Variants in SOX5 observed in about 807,000 individuals in gnomAD.
SOX5 encodes the protein SRY-box transcription factor 5.
Under a neutral mutation model 92.0 loss-of-function variants are expected in SOX5, and 9 were observed. That is an observed-to-expected ratio of 0.10 (90% confidence interval 0.06 to 0.17). The LOEUF (loss-of-function observed/expected upper bound fraction) is 0.17, where lower values mean the gene tolerates loss of function less well. Among genes scored for constraint, SOX5 ranks in the 10% least tolerant of loss-of-function variants. The pLI, the probability that SOX5 is intolerant of heterozygous loss-of-function variation, is 1.00. For missense variants in SOX5, 642 were observed against 944.5 expected, an observed-to-expected ratio of 0.68 and a Z score of 4.20; for synonymous variants, 344 against 336.3, an observed-to-expected ratio of 1.02 and a Z score of -0.25.
intron 6 of SOX5, among the ~76,000 whole-genome samples, chr12:23,686,706 C>A (rs189242470): frequency 2.6e-5 from 4 of 152,018 alleles, no homozygotes; most frequent in Admixed American, 6.6e-5. Context: ...AGGGCCATAG[C>A]AAAAAAGGAA....
At chr12:23,981,983 T>C (rs1009884775) in intron 4 of SOX5, among the ~76,000 whole-genome samples, 1 of 152,140 alleles carries the variant, frequency 6.6e-6, no homozygotes, top group South Asian at 2.1e-4. Context: ...AGGCTTCTAG[T>C]GGGTAACCTA....
At chr12:23,999,852 C>T (rs1433398957) in intron 4 of SOX5, among the ~76,000 whole-genome samples, 1 of 151,836 alleles carries the variant, frequency 6.6e-6, no homozygotes, top group African/African-American at 2.4e-5. Flanking sequence ...TGTTATATTG[C>T]TATACCTTCC....
At chr12:24,417,269 T>TTGG (rs1437399437) in intron 1 of SOX5, among the ~76,000 whole-genome samples, 1 of 152,232 alleles carries the variant, frequency 6.6e-6, no homozygotes, top group Admixed American at 6.5e-5. Context: ...AGTCCATTTC[T>TTGG]TGGTTCTCCT....
chr12:24,370,998 G>A (rs1956681601), intron 1 of SOX5, among the ~76,000 whole-genome samples: 1 of 152,106 alleles, frequency 6.6e-6, no homozygotes, highest in African/African-American at 2.4e-5. Context: ...TAATGCCCAG[G>A]AATGTGAATA....
At chr12:23,848,552 C>T (rs1177669485) in intron 2 of SOX5, among the ~76,000 whole-genome samples, 2 of 152,164 alleles carry the variant, frequency 1.3e-5, no homozygotes, top group South Asian at 2.1e-4. Flanking sequence ...CAGTGTGGGA[C>T]ACTGTTGTTC....
chr12:24,037,538 G>GGTT (rs1956157841), intron 4 of SOX5, among the ~76,000 whole-genome samples: 1 of 152,094 alleles, frequency 6.6e-6, no homozygotes, highest in Admixed American at 6.5e-5. Flanking sequence ...ATATGATCAT[G>GGTT]GTTGTACTAG....
chr12:24,121,447 A>C (rs1356256366), intron 4 of SOX5, among the ~76,000 whole-genome samples: 2 of 152,184 alleles, frequency 1.3e-5, no homozygotes, highest in Non-Finnish European at 2.9e-5. Context: ...CTGAAACCGA[A>C]CAGGAACAAA....
intron 3 of SOX5, among the ~76,000 whole-genome samples, chr12:23,838,465 G>A (rs1410597055): frequency 6.6e-6 from 1 of 151,820 alleles, no homozygotes; most frequent in Non-Finnish European, 1.5e-5. Context: ...AGAATCTTGT[G>A]TATGTAAACA....
At chr12:24,250,533 A>C (rs1939813432) in intron 3 of SOX5, among the ~76,000 whole-genome samples, 2 of 152,386 alleles carry the variant, frequency 1.3e-5, no homozygotes, top group East Asian at 3.9e-4. Context: ...TGAAAGGTTC[A>C]GCCATTGTAG....
At chr12:24,323,505 T>A (rs1005103614) in intron 2 of SOX5, among the ~76,000 whole-genome samples, 18 of 152,142 alleles carry the variant, frequency 1.2e-4, no homozygotes, top group Non-Finnish European at 2.2e-4. Context: ...GCAGCTTTTT[T>A]ATAATGTATT....
At chr12:23,921,462 T>A (rs375693856) in intron 1 of SOX5, among the ~76,000 whole-genome samples, 2 of 152,252 alleles carry the variant, frequency 1.3e-5, no homozygotes, top group East Asian at 3.9e-4. Flanking sequence ...AATTTGGTAT[T>A]CCAATGTTGG....
rs141525095 is a variant in SOX5, at chr12:24,197,940, ACT to A, written c.-2+15401_-2+15402del. 7.9e-3 allele frequency among the ~76,000 whole-genome samples: 1,201 copies of A among 152,166 alleles called. 14 individuals carry two copies. Among genetic ancestry groups the A allele is most frequent in the African/African-American group, 0.027 (1,134 of 41,498 alleles). ...TATCATTGTATGCTCTTAGACACAC[ACT>A]CTCTTTCTCTGCATGAACTTGCTCA... On this transcript the variant is annotated intron_variant, in intron 4 of 4. Transcript: ENST00000446891.
chr12:23,653,694 T>A (rs933689125), intron 7 of SOX5, among the ~76,000 whole-genome samples: 3 of 152,130 alleles, frequency 2.0e-5, no homozygotes, highest in Non-Finnish European at 4.4e-5. Flanking sequence ...CCTCACACTG[T>A]AGAAGGAGCA....
intron 2 of SOX5, among the ~76,000 whole-genome samples, chr12:24,295,834 C>A (rs1444051954): frequency 6.6e-6 from 1 of 152,116 alleles, no homozygotes; most frequent in African/African-American, 2.4e-5. Context: ...TCCCAAAATG[C>A]TGGGTGGCAT....
At chr12:24,101,619 T>C (rs1034360142) in intron 4 of SOX5, among the ~76,000 whole-genome samples, 2 of 152,130 alleles carry the variant, frequency 1.3e-5, no homozygotes, top group African/African-American at 4.8e-5. Context: ...CTGGACACTA[T>C]ACATCAAAAT....
intron 3 of SOX5, among the ~76,000 whole-genome samples, chr12:23,759,434 G>A (rs1296006331): frequency 6.6e-6 from 1 of 151,944 alleles, no homozygotes; most frequent in African/African-American, 2.4e-5. Flanking sequence ...ACGAGGGAAG[G>A]GGATCATAAG....
intron 4 of SOX5, among the ~76,000 whole-genome samples, chr12:24,133,890 C>T (rs1192999706): frequency 1.3e-5 from 2 of 152,008 alleles, no homozygotes; most frequent in Non-Finnish European, 2.9e-5. Flanking sequence ...TAGCACACAC[C>T]AAAAATATTG....
At chr12:24,326,391 T>C (rs1369735370) in intron 2 of SOX5, among the ~76,000 whole-genome samples, 1 of 152,110 alleles carries the variant, frequency 6.6e-6, no homozygotes, top group Non-Finnish European at 1.5e-5. Context: ...TACATCCTAA[T>C]TGAGGGCTCA....
At chr12:23,600,996 T>C (rs2074419606) in intron 9 of SOX5, among the ~76,000 whole-genome samples, 1 of 152,058 alleles carries the variant, frequency 6.6e-6, no homozygotes, top group Non-Finnish European at 1.5e-5. Flanking sequence ...GTTCTTTTAT[T>C]ACAACTGAAC....
Sources: allele counts gnomAD v4.1 joint callset (sites outside exome capture counted in the v4.1 genomes callset), GRCh38; gene constraint gnomAD v4.1.1; transcripts MANE v1.5; gene names NCBI Gene and HGNC (gene_info 2026-07-23, HGNC 2026-07-21).